Variants in THSD7B observed in about 807,000 individuals in gnomAD.
THSD7B encodes thrombospondin type 1 domain containing 7B, also known as thrombospondin type-1 domain-containing protein 7B.
A neutral mutation model predicts 213.6 loss-of-function variants in THSD7B; 138 were observed. The ratio of observed to expected loss-of-function variants is 0.65; its 90% CI spans 0.56 to 0.74. THSD7B has a LOEUF of 0.74. Ranked by LOEUF, THSD7B falls within the 30% of genes least tolerant of loss-of-function variation. THSD7B has a pLI of 0.00. For missense variants in THSD7B, 1,931 were observed against 1,991.5 expected, an observed-to-expected ratio of 0.97 and a Z score of 0.58; for synonymous variants, 742 against 687.0, an observed-to-expected ratio of 1.08 and a Z score of -1.25.
chr2:136,933,689 C>CTCTT (rs70975727), intron 2 of THSD7B, among the ~76,000 whole-genome samples: 63,621 of 151,662 alleles, frequency 0.42, 15,125 homozygotes, highest in Non-Finnish European at 0.55. Context: ...AATAATCAAT[C>CTCTT]TCTTCTTCTC....
At chr2:137,470,960 C>T in intron 15 of THSD7B, among the ~76,000 whole-genome samples, 1 of 140,684 alleles carries the variant, frequency 7.1e-6, no homozygotes, top group East Asian at 2.1e-4. Context: ...CACTTCATCA[C>T]TCAGGCTGGA....
chr2:137,380,532 A>C (rs1408329819), intron 12 of THSD7B, among the ~76,000 whole-genome samples: 1 of 152,222 alleles, frequency 6.6e-6, no homozygotes, highest in Non-Finnish European at 1.5e-5. Flanking sequence ...ACTTTATAGA[A>C]GCAGAGGGAC....
At chr2:136,816,456 A>G (rs1473572308) in intron 1 of THSD7B, among the ~76,000 whole-genome samples, 1 of 152,196 alleles carries the variant, frequency 6.6e-6, no homozygotes, top group African/African-American at 2.4e-5. Context: ...TTTGAAAACT[A>G]TGATTTTAAT....
intron 6 of THSD7B, among the ~76,000 whole-genome samples, chr2:137,163,092 G>C (rs908644646): frequency 1.1e-4 from 16 of 152,090 alleles, no homozygotes; most frequent in African/African-American, 3.4e-4. Flanking sequence ...TTCGGAACTG[G>C]CCCATGGAAC....
chr2:137,332,799 C>T (rs569799088), intron 12 of THSD7B, among the ~76,000 whole-genome samples: 67 of 152,292 alleles, frequency 4.4e-4, no homozygotes, highest in African/African-American at 1.4e-3. Context: ...CTTCGCTCAG[C>T]TCTGTCATTC....
chr2:137,145,442 T>A (rs1271110617), intron 5 of THSD7B, among the ~76,000 whole-genome samples: 1 of 152,054 alleles, frequency 6.6e-6, no homozygotes, highest in African/African-American at 2.4e-5. Context: ...TGCTGATGGT[T>A]CTTAGATAAA....
intron 12 of THSD7B, among the ~76,000 whole-genome samples, chr2:137,293,533 T>C (rs1381292123): frequency 6.6e-6 from 1 of 152,052 alleles, no homozygotes; most frequent in Non-Finnish European, 1.5e-5. Flanking sequence ...TATCTTTCTA[T>C]TTCTGCCTTT....
intron 10 of THSD7B, among the ~76,000 whole-genome samples, chr2:137,264,439 G>A (rs1682531181): frequency 6.6e-6 from 1 of 151,892 alleles, no homozygotes; most frequent in African/African-American, 2.4e-5. Context: ...TAGTAGAGGC[G>A]GGATTTCACT....
intron 15 of THSD7B, among the ~76,000 whole-genome samples, chr2:137,551,871 G>T (rs1241370609): frequency 6.6e-6 from 1 of 152,030 alleles, no homozygotes; most frequent in Non-Finnish European, 1.5e-5. Flanking sequence ...TTGAGCATCT[G>T]GCTTAAAATG....
At chr2:136,933,987 A>G (rs1684677191) in intron 2 of THSD7B, among the ~76,000 whole-genome samples, 1 of 152,174 alleles carries the variant, frequency 6.6e-6, no homozygotes, top group Non-Finnish European at 1.5e-5. Context: ...TTGGAGATAT[A>G]CCAATTCAGA....
chr2:137,089,877 T>C (rs1422834815), intron 3 of THSD7B, among the ~76,000 whole-genome samples: 1 of 151,802 alleles, frequency 6.6e-6, no homozygotes, highest in Admixed American at 6.6e-5. Flanking sequence ...GGTGTGGTGG[T>C]GCACCTGTAG....
At chr2:136,993,598 G>A (rs1015022045) in intron 2 of THSD7B, among the ~76,000 whole-genome samples, 2 of 152,190 alleles carry the variant, frequency 1.3e-5, no homozygotes, top group Middle Eastern at 3.2e-3. Context: ...ACATATAGAT[G>A]TTCATGTGAC....
chr2:137,540,571 T>G (rs138168561), intron 15 of THSD7B, among the ~76,000 whole-genome samples: 42 of 151,776 alleles, frequency 2.8e-4, no homozygotes, highest in African/African-American at 9.2e-4. Flanking sequence ...AGCCCTATCT[T>G]TGAAGAATTG....
At chr2:137,006,863 C>T (rs1467552333) in intron 2 of THSD7B, among the ~76,000 whole-genome samples, 1 of 152,108 alleles carries the variant, frequency 6.6e-6, no homozygotes, top group Non-Finnish European at 1.5e-5. Flanking sequence ...CTCATTATTT[C>T]ATGGATTTGA....
chr2:137,668,798 A>C (rs1683502556), intron 27 of THSD7B, among the ~76,000 whole-genome samples: 1 of 152,200 alleles, frequency 6.6e-6, no homozygotes, highest in Non-Finnish European at 1.5e-5. Flanking sequence ...TGTAATTAAG[A>C]AAATCATAAG....
chr2:136,766,192 G>A (rs940367745), intron 1 of THSD7B, among the ~76,000 whole-genome samples: 12 of 152,214 alleles, frequency 7.9e-5, no homozygotes, highest in Admixed American at 7.2e-4. Flanking sequence ...CGCTGACTGC[G>A]AAATCTGTGC....
chr2:137,575,757 T>A (rs1167561694), intron 17 of THSD7B, among the ~76,000 whole-genome samples: 1 of 151,364 alleles, frequency 6.6e-6, no homozygotes, highest in Non-Finnish European at 1.5e-5. Context: ...TACTTTAACA[T>A]GCTTACTTTT....
chr2:137,470,998 C>A (rs1241550223), intron 15 of THSD7B, among the ~76,000 whole-genome samples: 4 of 150,508 alleles, frequency 2.7e-5, no homozygotes, highest in African/African-American at 9.8e-5. Flanking sequence ...CAGCTCACTG[C>A]AACCTCTGCC....
intron 1 of THSD7B, among the ~76,000 whole-genome samples, chr2:136,773,455 A>G (rs1681545585): frequency 6.6e-6 from 1 of 152,236 alleles, no homozygotes; most frequent in African/African-American, 2.4e-5. Flanking sequence ...TAGTAGCCAC[A>G]TTAAAGAAGA....
Sources: allele counts gnomAD v4.1 joint callset (sites outside exome capture counted in the v4.1 genomes callset), GRCh38; gene constraint gnomAD v4.1.1; transcripts MANE v1.5; gene names NCBI Gene and HGNC (gene_info 2026-07-23, HGNC 2026-07-21).